The following HADHA variants were observed in gnomAD, a reference collection of about 807,000 sequenced individuals.
HADHA encodes trifunctional enzyme subunit alpha, mitochondrial.
Under a neutral mutation model 91.3 loss-of-function variants are expected in HADHA, and 59 were observed. The ratio of observed to expected loss-of-function variants is 0.65; its 90% CI spans 0.52 to 0.80. HADHA has a LOEUF of 0.80. Ranked by LOEUF, HADHA falls within the 30% of genes least tolerant of loss-of-function variation. The pLI is 0.00. For synonymous variants in HADHA, 320 were observed against 338.9 expected, an observed-to-expected ratio of 0.94 and a Z score of 0.61; for missense variants, 800 against 927.6, an observed-to-expected ratio of 0.86 and a Z score of 1.79.
chr2:26,194,777 C>G, intron 15 of HADHA, 139 bp from the exon 16 acceptor site: 1 of 732,050 alleles, frequency 1.4e-6, no homozygotes, highest in Non-Finnish European at 2.5e-6. Flanking sequence ...CAATCAGAAT[C>G]CTTAAAAATG....
intron 18 of HADHA, 138 bp downstream of exon 18, chr2:26,192,172 T>G: frequency 1.6e-6 from 1 of 643,628 alleles, no homozygotes; most frequent in Non-Finnish European, 2.8e-6. Context: ...ATGGCACGTG[T>G]ATACCTATGT....
intron 7 of HADHA, among the ~76,000 whole-genome samples, chr2:26,220,953 C>T (rs908305443): frequency 6.6e-6 from 1 of 152,192 alleles, no homozygotes; most frequent in Non-Finnish European, 1.5e-5. Context: ...GGAAATAAAT[C>T]CCTCCAAAAT....
At position 26,236,950 on chromosome 2, in the gene HADHA, TGA is replaced by T; in HGVS notation, c.217_218del (p.Ser73ArgfsTer5). On this transcript the variant is annotated frameshift_variant, in exon 4 of 20. Transcript: ENST00000380649. LOFTEE classifies it high-confidence loss of function. The part of the protein sequence containing the change: ...TLSKELHSEF[S>X]EVMNEIWASD... ...TAGCCCAGATTTCATTCATAACTTC[TGA>T]GAACTCTGAATGTAGCTCTTTACTC... 6.2e-7 allele frequency: 1 copy of T among 1,605,078 alleles called. No individual in the cohort carries two copies. Among genetic ancestry groups the T allele is most frequent in the East Asian group, 2.2e-5 (1 of 44,844 alleles).
intron 5 of HADHA, among the ~76,000 whole-genome samples, chr2:26,233,978 G>A (rs754852253): frequency 2.6e-5 from 4 of 152,188 alleles, no homozygotes; most frequent in Non-Finnish European, 5.9e-5. Context: ...CTACTGGGGA[G>A]GCTGAAGCAG....
rs1354275303 is a variant in HADHA at position 26,234,365 on chromosome 2, C to T, written c.315-10G>A. On this transcript the variant is annotated splice_polypyrimidine_tract_variant and intron_variant, in intron 4 of 19. Coordinates refer to ENST00000380649, the MANE Select transcript of HADHA (RefSeq NM_000182.5). ...GCAAGCGGCTAACATGCTGCATTAT[C>T]CATAAAAGTAGAGAACAGAGAAAAA... is the stretch of plus-strand genomic sequence containing the variant. The T allele has an allele frequency of 1.2e-6, 2 of 1,609,796 alleles. No homozygotes were observed. The highest frequency in any genetic ancestry group is 2.7e-5 in the African/African-American group (2 of 74,790).
At chr2:26,225,143 A>G (rs1298284730) in intron 7 of HADHA, among the ~76,000 whole-genome samples, 10 of 152,202 alleles carry the variant, frequency 6.6e-5, no homozygotes, top group Admixed American at 1.3e-4. Context: ...GGTTAATTCT[A>G]TCAAGTATTT....
intron 7 of HADHA, 118 bp from the exon 8 acceptor site, chr2:26,215,293 G>T: frequency 1.1e-6 from 1 of 885,772 alleles, no homozygotes. Flanking sequence ...TCAGACTGGA[G>T]ACTGGTAGGT....
At chr2:26,202,655 C>T (rs1438832265) in intron 12 of HADHA, among the ~76,000 whole-genome samples, 2 of 152,202 alleles carry the variant, frequency 1.3e-5, no homozygotes, top group African/African-American at 2.4e-5. Context: ...GCATGAGAAT[C>T]GCTTGAACCC....
At chr2:26,204,462 A>C (rs574919175) in intron 11 of HADHA, among the ~76,000 whole-genome samples, 1 of 152,360 alleles carries the variant, frequency 6.6e-6, no homozygotes, top group Non-Finnish European at 1.5e-5. Context: ...AATCACTGAA[A>C]TCAAAACAAC....
At chr2:26,238,413 T>C (rs1670813538) in intron 3 of HADHA, among the ~76,000 whole-genome samples, 1 of 152,226 alleles carries the variant, frequency 6.6e-6, no homozygotes, top group Non-Finnish European at 1.5e-5. Flanking sequence ...GTTACACACT[T>C]TATTGAAGCT....
At chr2:26,202,050 CA>C (rs1669859772) in intron 12 of HADHA, among the ~76,000 whole-genome samples, 1 of 151,908 alleles carries the variant, frequency 6.6e-6, no homozygotes, top group South Asian at 2.1e-4. Context: ...CCATCCGCCT[CA>C]GCCTCCCAAA....
chr2:26,229,348 G>GCACACA lies in HADHA; in HGVS notation c.676+838_676+843dup, dbSNP rs5830004. 0.51 allele frequency among the ~76,000 whole-genome samples: 75,406 copies of GCACACA among 147,324 alleles called. 19,715 individuals are homozygous for GCACACA. Among genetic ancestry groups the GCACACA allele is most frequent in the Middle Eastern group, 0.59 (170 of 288 alleles). ...GTGAGACCCCAACATGTGTGCGCGC[G>GCACACA]CACACACACACACACACACACACAC... On this transcript the variant is annotated intron_variant, in intron 7 of 19. Transcript: ENST00000380649. The surrounding 1 kb of genome is among the most constrained non-coding windows in gnomAD (Gnocchi z 4.3).
At position 26,197,677 on chromosome 2, in the gene HADHA, T is replaced by C. The variant is rs768065156; in HGVS notation, c.1479+14A>G. 4.2e-6 allele frequency: 5 copies of C among 1,194,476 alleles called. No individual in the cohort carries two copies. The highest frequency in any genetic ancestry group is 6.3e-6 in the Non-Finnish European group (5 of 796,336). The allele number at this position is 1,194,476 out of a possible 1,614,324, so 74.0% of individuals were successfully genotyped here. ...AATAAAACATCTCAGGGTTTTTCTC[T>C]GTTCCGAGTTTACCTTCTCAGGTCT... is the stretch of plus-strand genomic sequence containing the variant. On this transcript the variant is annotated intron_variant, in intron 14 of 19. Coordinates refer to ENST00000380649, the MANE Select transcript of HADHA (RefSeq NM_000182.5).
At chr2:26,235,697 T>C (rs1670731464) in intron 4 of HADHA, among the ~76,000 whole-genome samples, 1 of 152,198 alleles carries the variant, frequency 6.6e-6, no homozygotes, top group Non-Finnish European at 1.5e-5. Context: ...TCAGTACAAA[T>C]TACTAAACCT....
chr2:26,196,241 A>G (rs1268169562), intron 14 of HADHA, among the ~76,000 whole-genome samples: 1 of 152,176 alleles, frequency 6.6e-6, no homozygotes, highest in East Asian at 1.9e-4. Context: ...TCTATCTCCA[A>G]TGCCATTATG....
chr2:26,244,577 A>G lies in HADHA; in HGVS notation c.20T>C (p.Ile7Thr). Residue 7 changes from isoleucine to threonine, a missense_variant, in exon 1 of 20, where the codon ATT becomes ACT. Transcript: ENST00000380649. ...GGCAGAAAAGCGGCTGAGGATGCCAATCGCCCGGCAGGCCACCATCTTGAG... is the reference window on the plus strand; with the variant it reads ...GGCAGAAAAGCGGCTGAGGATGCCAGTCGCCCGGCAGGCCACCATCTTGAG... MVACRA[I>T]GILSRFSAFR... 1.9e-6 allele frequency: 3 copies of G among 1,586,674 alleles called. No homozygotes were observed. Among genetic ancestry groups the G allele is most frequent in the Non-Finnish European group, 1.7e-6 (2 of 1,166,146 alleles).
chr2:26,215,608 C>A (rs1371860486), intron 7 of HADHA, among the ~76,000 whole-genome samples: 1 of 152,174 alleles, frequency 6.6e-6, no homozygotes, highest in East Asian at 1.9e-4. Context: ...CTTAGCTGAA[C>A]TGATGATTGC....
intron 1 of HADHA, among the ~76,000 whole-genome samples, chr2:26,242,004 C>T (rs916763936): frequency 1.3e-5 from 2 of 151,966 alleles, no homozygotes; most frequent in Admixed American, 6.5e-5. Flanking sequence ...TGGGTTCAAG[C>T]GATTCTCCCA....
intron 7 of HADHA, among the ~76,000 whole-genome samples, chr2:26,219,990 C>T (rs76498942): frequency 0.027 from 4,110 of 152,252 alleles, 93 homozygotes; most frequent in Non-Finnish European, 0.036. Flanking sequence ...GCTGTGTCCT[C>T]TTGAGGAGAC....
Sources: allele counts gnomAD v4.1 joint callset (sites outside exome capture counted in the v4.1 genomes callset), GRCh38; gene constraint gnomAD v4.1.1; non-coding constraint Gnocchi (gnomAD v3.1); transcripts MANE v1.5; gene names NCBI Gene and HGNC (gene_info 2026-07-23, HGNC 2026-07-21).